Variants in DRC11 observed in about 807,000 individuals in gnomAD.
DRC11 encodes IQ and AAA domain-containing protein 1.
At chr2:236,490,940 GTGTGTATATATA>G in the DRC11 span, among the ~76,000 whole-genome samples, 2 of 137,710 alleles carry the variant, frequency 1.5e-5, no homozygotes, top group Non-Finnish European at 3.0e-5. This position sits in a 1 kb window ranked among gnomAD's most constrained non-coding sequence, Gnocchi z 5.5. Context: ...ATATATATGA[GTGTGTATATATA>G]TGTGTGTATA....
At chr2:236,374,075 GC>G in the DRC11 span, among the ~76,000 whole-genome samples, 3 of 152,060 alleles carry the variant, frequency 2.0e-5, no homozygotes, top group Non-Finnish European at 4.4e-5. Flanking sequence ...TTCTTACCTG[GC>G]CCACTGCACA....
chr2:236,344,106 A>C, the DRC11 span, among the ~76,000 whole-genome samples: 1 of 152,104 alleles, frequency 6.6e-6, no homozygotes, highest in Non-Finnish European at 1.5e-5. Flanking sequence ...AGAGAAAAGA[A>C]GGAAGGAAGC....
the DRC11 span, among the ~76,000 whole-genome samples, chr2:236,389,522 C>T: frequency 2.6e-5 from 4 of 152,194 alleles, no homozygotes; most frequent in African/African-American, 7.2e-5. Flanking sequence ...TGCTTCGGCT[C>T]GCGACCGGTG....
At chr2:236,506,142 A>C in the DRC11 span, among the ~76,000 whole-genome samples, 1 of 152,100 alleles carries the variant, frequency 6.6e-6, no homozygotes, top group Non-Finnish European at 1.5e-5. This position sits in a 1 kb window ranked among gnomAD's most constrained non-coding sequence, Gnocchi z 4.9. Flanking sequence ...TTCTCCTGGA[A>C]ACACTATTAT....
the DRC11 span, among the ~76,000 whole-genome samples, chr2:236,311,979 C>T: frequency 1.3e-3 from 202 of 152,082 alleles, 1 homozygote; most frequent in African/African-American, 4.6e-3. This position sits in a 1 kb window ranked among gnomAD's most constrained non-coding sequence, Gnocchi z 6.9. Flanking sequence ...CTTCACTTTC[C>T]AGGCCATTGT....
the DRC11 span, among the ~76,000 whole-genome samples, chr2:236,503,849 A>G: frequency 2.0e-5 from 3 of 151,500 alleles, no homozygotes; most frequent in Admixed American, 1.3e-4. This position sits in a 1 kb window ranked among gnomAD's most constrained non-coding sequence, Gnocchi z 4.9. Flanking sequence ...CTTGCGCCCC[A>G]CCTCCTCGCC....
At chr2:236,493,088 A>G in the DRC11 span, among the ~76,000 whole-genome samples, 6,743 of 152,296 alleles carry the variant, frequency 0.044, 470 homozygotes, top group African/African-American at 0.15. Context: ...CCATGTGGCT[A>G]GGGAGGCCTC....
chr2:236,349,953 T>TCG, the DRC11 span, among the ~76,000 whole-genome samples: 2 of 152,226 alleles, frequency 1.3e-5, no homozygotes, highest in Non-Finnish European at 2.9e-5. The surrounding 1 kb of genome is among the most constrained non-coding windows in gnomAD (Gnocchi z 5.5). Flanking sequence ...GGATCACTTC[T>TCG]CGCGATGTCC....
the DRC11 span, among the ~76,000 whole-genome samples, chr2:236,395,946 T>C: frequency 1.3e-5 from 2 of 152,226 alleles, no homozygotes; most frequent in African/African-American, 4.8e-5. Context: ...AGGGAAACCA[T>C]GACACGATTA....
At chr2:236,469,637 A>G in the DRC11 span, among the ~76,000 whole-genome samples, 18 of 152,316 alleles carry the variant, frequency 1.2e-4, no homozygotes, top group South Asian at 2.1e-3. This position sits in a 1 kb window ranked among gnomAD's most constrained non-coding sequence, Gnocchi z 5.8. Flanking sequence ...ACTTTCTCTG[A>G]CAAAAATACA....
the DRC11 span, among the ~76,000 whole-genome samples, chr2:236,427,741 GTTC>G: frequency 2.6e-5 from 4 of 151,556 alleles, no homozygotes; most frequent in Non-Finnish European, 5.9e-5. The surrounding 1 kb of genome is among the most constrained non-coding windows in gnomAD (Gnocchi z 5.9). Flanking sequence ...ATTTATTTTT[GTTC>G]TTATCTTTAT....
At chr2:236,481,992 T>C in the DRC11 span, among the ~76,000 whole-genome samples, 1 of 149,266 alleles carries the variant, frequency 6.7e-6, no homozygotes. Context: ...CTACATATTA[T>C]ATGTATAATT....
chr2:236,467,583 C>G, the DRC11 span, among the ~76,000 whole-genome samples: 1 of 152,280 alleles, frequency 6.6e-6, no homozygotes, highest in Non-Finnish European at 1.5e-5. Flanking sequence ...ATGGCGAACA[C>G]TGTTGTGCTT....
the DRC11 span, among the ~76,000 whole-genome samples, chr2:236,357,748 A>T: frequency 7.9e-6 from 1 of 126,880 alleles, no homozygotes; most frequent in Non-Finnish European, 1.5e-5. Context: ...TAATATGTAA[A>T]TATATAAATA....
chr2:236,459,576 C>CGTATATATACGTACGTAT, the DRC11 span, among the ~76,000 whole-genome samples: 1 of 126,240 alleles, frequency 7.9e-6, no homozygotes, highest in Non-Finnish European at 1.8e-5. Flanking sequence ...TATGTGTATA[C>CGTATATATACGTACGTAT]ATACGTATAT....
chr2:236,492,592 C>T, the DRC11 span, among the ~76,000 whole-genome samples: 2 of 152,216 alleles, frequency 1.3e-5, no homozygotes, highest in Non-Finnish European at 2.9e-5. Flanking sequence ...CCCCTTTCAC[C>T]CTGGAGTGTC....
chr2:236,371,290 C>T, the DRC11 span, among the ~76,000 whole-genome samples: 1 of 152,120 alleles, frequency 6.6e-6, no homozygotes, highest in African/African-American at 2.4e-5. This position sits in a 1 kb window ranked among gnomAD's most constrained non-coding sequence, Gnocchi z 5.1. Flanking sequence ...CTGGGCCATG[C>T]CTCTGTTGTC....
At chr2:236,441,170 C>T in the DRC11 span, 1 of 1,206,372 alleles carries the variant, frequency 8.3e-7, no homozygotes, top group South Asian at 1.3e-5. Flanking sequence ...GAAGTCCTCT[C>T]TTGTTATATA....
chr2:236,366,632 C>A, the DRC11 span, among the ~76,000 whole-genome samples: 1 of 152,166 alleles, frequency 6.6e-6, no homozygotes, highest in Non-Finnish European at 1.5e-5. Flanking sequence ...GAGGGCCCTT[C>A]TGTGGTGTGT....
Sources: allele counts gnomAD v4.1 joint callset (sites outside exome capture counted in the v4.1 genomes callset), GRCh38; gene constraint gnomAD v4.1.1; non-coding constraint Gnocchi (gnomAD v3.1); transcripts MANE v1.5; gene names NCBI Gene and HGNC (gene_info 2026-07-23, HGNC 2026-07-21).